Variants in PHF2 observed in about 807,000 individuals in gnomAD.
PHF2 encodes PHD finger protein 2, also known as lysine-specific demethylase PHF2.
Under a neutral mutation model 120.5 loss-of-function variants are expected in PHF2, and 27 were observed. The ratio of observed to expected loss-of-function variants is 0.22; its 90% CI spans 0.17 to 0.31. PHF2 has a LOEUF of 0.31. Among genes scored for constraint, PHF2 ranks in the 10% least tolerant of loss-of-function variants. The probability of loss-of-function intolerance (pLI) is 1.00; values close to 1 mark genes in which losing one functional copy is unlikely to be tolerated. For missense variants in PHF2, 1,024 were observed against 1,434.8 expected, an observed-to-expected ratio of 0.71 and a Z score of 4.63; for synonymous variants, 568 against 592.5, an observed-to-expected ratio of 0.96 and a Z score of 0.60.
At chr9:93,629,493 G>A (rs1356025238) in intron 1 of PHF2, among the ~76,000 whole-genome samples, 7 of 152,186 alleles carry the variant, frequency 4.6e-5, no homozygotes, top group Admixed American at 6.5e-5. Context: ...GGCCAGGCTG[G>A]TAGGCCTCTT....
intron 1 of PHF2, among the ~76,000 whole-genome samples, chr9:93,583,344 G>A (rs1862968965): frequency 6.6e-6 from 1 of 152,142 alleles, no homozygotes; most frequent in Admixed American, 6.5e-5. Context: ...TCCACCTATG[G>A]CTGTTGTATA....
At chr9:93,578,724 A>G (rs370280250) in intron 1 of PHF2, among the ~76,000 whole-genome samples, 2 of 152,242 alleles carry the variant, frequency 1.3e-5, no homozygotes, top group African/African-American at 4.8e-5. Context: ...AGGGGCAGGC[A>G]GGCGACAGGG....
At position 93,654,553 on chromosome 9, in the gene PHF2, C is replaced by T; in HGVS notation, c.930C>T (p.Gly310=). The T allele has an allele frequency of 6.2e-7, 1 of 1,613,900 alleles. No homozygotes were observed. The highest frequency in any genetic ancestry group is 1.7e-5 in the Admixed American group (1 of 60,034). The change falls in exon 7 of 22, where the codon GGC becomes GGT. Residue 310 remains glycine, a synonymous_variant. Transcript: ENST00000359246. ...GCTACAAGTGCATCGTCAAGCAGGG[C>T]CAGACCCTCTTCATCCCCTCAGGTG... ...DKCYKCIVKQ[G]QTLFIPSGWI...
chr9:93,630,227 C>T (rs543414301), intron 2 of PHF2, among the ~76,000 whole-genome samples, 172 bp downstream of exon 2: 2 of 152,338 alleles, frequency 1.3e-5, no homozygotes, highest in Non-Finnish European at 2.9e-5. Flanking sequence ...TTACTGTCCC[C>T]TGTAGCCTCA....
chr9:93,636,419 A>C lies in PHF2; in HGVS notation c.193A>C (p.Lys65Gln), dbSNP rs779925322. 2 of 1,606,406 alleles carry C rather than the reference A, an allele frequency of 1.2e-6. No homozygotes were observed. The highest frequency in any genetic ancestry group is 1.7e-6 in the Non-Finnish European group (2 of 1,176,630). ...KTHGKSTLKK[K>Q]RTWHKHGPGQ... Reference sequence around the variant, plus strand: ...TCCGGTCTCCTCCACAGTAAAGAAGAAGCGGACCTGGCACAAACACGGCCC... The same window carrying C: ...TCCGGTCTCCTCCACAGTAAAGAAGCAGCGGACCTGGCACAAACACGGCCC... The change falls in exon 3 of 22, where the codon AAG becomes CAG. Residue 65 changes from lysine (K) to glutamine (Q), a missense_variant. Coordinates refer to ENST00000359246, the MANE Select transcript of PHF2 (RefSeq NM_005392.4).
chr9:93,612,438 A>G (rs1825652398), intron 1 of PHF2, among the ~76,000 whole-genome samples: 1 of 152,236 alleles, frequency 6.6e-6, no homozygotes, highest in Non-Finnish European at 1.5e-5. Flanking sequence ...GATAGGTGAG[A>G]AATCTTATTG....
chr9:93,625,468 CTTTTTTTTTTTT>C (rs905164226), intron 1 of PHF2, among the ~76,000 whole-genome samples: 86 of 94,710 alleles, frequency 9.1e-4, no homozygotes, highest in Non-Finnish European at 1.2e-3. Context: ...GTTTGAGTAC[CTTTTTTTTTTTT>C]TTTTTTTTTT....
intron 1 of PHF2, among the ~76,000 whole-genome samples, chr9:93,622,736 C>T (rs1178553036): frequency 6.6e-6 from 1 of 152,194 alleles, no homozygotes; most frequent in East Asian, 1.9e-4. Context: ...CAGGGGGCTC[C>T]TGTCCAAAGG....
chr9:93,620,531 G>A (rs1373043788), intron 1 of PHF2, among the ~76,000 whole-genome samples: 2 of 152,236 alleles, frequency 1.3e-5, no homozygotes, highest in Non-Finnish European at 2.9e-5. Flanking sequence ...TGGGCTTCCT[G>A]CAGAGGGCAG....
intron 12 of PHF2, among the ~76,000 whole-genome samples, chr9:93,662,012 G>A (rs916495580): frequency 1.3e-5 from 2 of 151,690 alleles, no homozygotes; most frequent in African/African-American, 4.9e-5. Flanking sequence ...TGAATGGATG[G>A]ATGGGTAGAT....
At chr9:93,602,247 C>CT (rs67001312) in intron 1 of PHF2, among the ~76,000 whole-genome samples, 4,281 of 79,042 alleles carry the variant, frequency 0.054, 682 homozygotes, top group Admixed American at 0.11. Flanking sequence ...CCTAGAGATT[C>CT]TTTTTTTTTT....
chr9:93,631,737 T>C (rs1826005191), intron 2 of PHF2, among the ~76,000 whole-genome samples: 1 of 151,298 alleles, frequency 6.6e-6, no homozygotes, highest in South Asian at 2.1e-4. Flanking sequence ...CAGAGTAGGG[T>C]TGGAGCCAGG....
intron 1 of PHF2, among the ~76,000 whole-genome samples, chr9:93,595,453 A>G (rs2131610172): frequency 6.6e-6 from 1 of 152,330 alleles, no homozygotes; most frequent in East Asian, 1.9e-4. Flanking sequence ...ACGGTAAGGA[A>G]TTTATGAAAA....
rs1230438018 is a variant in PHF2 at position 93,659,493 on chromosome 9, G to C, written c.1240-18G>C. 10 of 1,610,286 alleles carry C rather than the reference G, an allele frequency of 6.2e-6. No homozygotes were observed. In the Admixed American group the frequency reaches 1.0e-4, roughly 16 times the overall value. On this transcript the variant is annotated intron_variant, in intron 10 of 21. Coordinates refer to ENST00000359246, the MANE Select transcript of PHF2 (RefSeq NM_005392.4). Reference sequence around the variant, plus strand: ...CGGGAGGTGTCTGGTGCTGACCCTGGGTCCGGTTGTCCTGCAGGCTTTGGC... The same window carrying C: ...CGGGAGGTGTCTGGTGCTGACCCTGCGTCCGGTTGTCCTGCAGGCTTTGGC...
chr9:93,672,048 G>T (rs56188181), intron 17 of PHF2, among the ~76,000 whole-genome samples: 2 of 141,848 alleles, frequency 1.4e-5, no homozygotes, highest in Non-Finnish European at 3.1e-5. Context: ...GTAGATGCAG[G>T]TGTGGGTGTG....
In PHF2 at chr9:93,655,381, C is replaced by T. The variant is rs116271761; in HGVS notation, c.953-553C>T. On this transcript the variant is annotated intron_variant, in intron 7 of 21. Coordinates refer to ENST00000359246, the MANE Select transcript of PHF2 (RefSeq NM_005392.4). ...GTAATCTCTGGGTCCCTCCTCCCTC[C>T]GTTGGCTTCCTCATAGTCGCAGCTA... Among the ~76,000 whole-genome samples, 673 of 152,092 alleles carry T rather than the reference C, an allele frequency of 4.4e-3. 7 individuals are homozygous for T. The highest frequency in any genetic ancestry group is 0.015 in the African/African-American group (638 of 41,484).
At position 93,660,134 on chromosome 9, in the gene PHF2, C is replaced by A. The variant is rs545013535; in HGVS notation, c.1330-58C>A. The stretch of plus-strand genomic sequence containing the variant: ...GTCTCCAGCATCCTGGTGTGTGGAC[C>A]GTCTTGGGCCACAGTTTGGCAGAAG... On this transcript the variant is annotated intron_variant, in intron 11 of 21. Transcript: ENST00000359246. 3.4e-6 allele frequency: 5 copies of A among 1,464,588 alleles called. No homozygotes were observed. The Admixed American group carries it at 1.1e-4, about 32-fold the overall frequency. The allele number at this position is 1,464,588 out of a possible 1,614,324, so 90.7% of individuals were successfully genotyped here.
intron 1 of PHF2, among the ~76,000 whole-genome samples, chr9:93,600,699 G>A (rs1825423524): frequency 6.6e-6 from 1 of 152,230 alleles, no homozygotes; most frequent in South Asian, 2.1e-4. Flanking sequence ...CCATGCTGTG[G>A]CAGGAAGCAG....
intron 17 of PHF2, chr9:93,670,981 C>T: frequency 2.0e-6 from 2 of 983,420 alleles, no homozygotes; most frequent in African/African-American, 1.8e-5. Flanking sequence ...TGAGGTGCAG[C>T]TGTGTCTGTT....
Sources: allele counts gnomAD v4.1 joint callset (sites outside exome capture counted in the v4.1 genomes callset), GRCh38; gene constraint gnomAD v4.1.1; transcripts MANE v1.5; gene names NCBI Gene and HGNC (gene_info 2026-07-23, HGNC 2026-07-21).